GABPB1: variants seen among roughly 807,000 people sequenced by gnomAD.
GABPB1 encodes the protein GA binding protein transcription factor subunit beta 1, also known as GA-binding protein subunit beta-1.
In GABPB1, 15 loss-of-function variants were observed where a neutral mutation model predicts 45.9. That is an observed-to-expected ratio of 0.33 (90% CI 0.22 to 0.50). The LOEUF (loss-of-function observed/expected upper bound fraction) is 0.50, where lower values mean the gene tolerates loss of function less well. Ranked by LOEUF, GABPB1 falls within the 20% of genes least tolerant of loss-of-function variation. The pLI is 0.98. For missense variants in GABPB1, 252 were observed against 457.5 expected, an observed-to-expected ratio of 0.55 and a Z score of 4.10; for synonymous variants, 143 against 154.4, an observed-to-expected ratio of 0.93 and a Z score of 0.55.
intron 8 of GABPB1, 48 bp from the exon 9 acceptor site, chr15:50,278,832 T>C (rs1298155384): frequency 6.9e-7 from 1 of 1,441,464 alleles, no homozygotes. Flanking sequence ...AAAAATACAT[T>C]ATTAATACAT....
At chr15:50,343,697 C>A (rs914784530) in intron 1 of GABPB1, among the ~76,000 whole-genome samples, 1 of 152,100 alleles carries the variant, frequency 6.6e-6, no homozygotes. Context: ...CACCACCACG[C>A]CTAGCTAGTT....
chr15:50,322,340 G>A (rs962787024), intron 1 of GABPB1, among the ~76,000 whole-genome samples: 6 of 151,608 alleles, frequency 4.0e-5, no homozygotes, highest in Admixed American at 3.9e-4. Flanking sequence ...GATAACTTGA[G>A]GTCAGGAGTT....
intron 1 of GABPB1, chr15:50,352,597 A>T (rs1164630923): frequency 1.3e-5 from 2 of 152,308 alleles, no homozygotes; most frequent in East Asian, 3.9e-4. Flanking sequence ...CCACCTCCCC[A>T]AGTGCTGGGA....
chr15:50,343,937 CCTA>C (rs1408061144), intron 1 of GABPB1, among the ~76,000 whole-genome samples: 1 of 152,156 alleles, frequency 6.6e-6, no homozygotes, highest in Non-Finnish European at 1.5e-5. Flanking sequence ...TCTTTTATTA[CCTA>C]CTTTTATTCC....
intron 1 of GABPB1, 146 bp from the exon 2 acceptor site, chr15:50,309,944 A>T (rs1008031139): frequency 2.0e-6 from 1 of 501,222 alleles, no homozygotes; most frequent in South Asian, 3.6e-5. Context: ...ATTACAGATC[A>T]TACAAAAGCA....
chr15:50,279,583 C>T (rs1157575393), intron 8 of GABPB1, among the ~76,000 whole-genome samples: 1 of 152,320 alleles, frequency 6.6e-6, no homozygotes, highest in Non-Finnish European at 1.5e-5. Flanking sequence ...CCTCTTCCTC[C>T]TCACTCTGCC....
In GABPB1 at chr15:50,304,136, G is replaced by A. The variant is rs373784295; in HGVS notation, c.109-3C>T. ...AGATGAAGTGGAGAAGTTCCCAGCTGTACCACAGAAAAAAAAAAAAATCCA... is the reference window on the plus strand; with the variant it reads ...AGATGAAGTGGAGAAGTTCCCAGCTATACCACAGAAAAAAAAAAAAATCCA... On this transcript the variant is annotated splice_region_variant and splice_polypyrimidine_tract_variant and intron_variant, in intron 2 of 8. Coordinates refer to ENST00000380877, the MANE Select transcript of GABPB1 (RefSeq NM_016654.5). The A allele has an allele frequency of 3.9e-6, 6 of 1,551,034 alleles. No homozygotes were observed. Among genetic ancestry groups the A allele is most frequent in the Non-Finnish European group, 4.3e-6 (5 of 1,154,724 alleles).
At chr15:50,285,749 G>C (rs1014669955) in intron 8 of GABPB1, 1 of 1,007,072 alleles carries the variant, frequency 9.9e-7, no homozygotes, top group Non-Finnish European at 1.2e-6. Flanking sequence ...ATATATACTG[G>C]TATTTTCCTT....
intron 6 of GABPB1, among the ~76,000 whole-genome samples, chr15:50,292,480 A>G (rs980472235): frequency 1.3e-5 from 2 of 152,126 alleles, no homozygotes; most frequent in Non-Finnish European, 2.9e-5. Context: ...TATTAGTTGC[A>G]AAGGGGAAAA....
At chr15:50,304,180 TACACTTCTGTTTATATAGTAA>T (rs762782517) in intron 2 of GABPB1, 47 bp from the exon 3 acceptor site, 2 of 1,481,942 alleles carry the variant, frequency 1.3e-6, no homozygotes, top group Middle Eastern at 1.8e-4. Context: ...TTATTGTTAC[TACACTTCTGTTTATATAGTAA>T]ACAGATTTTC....
rs770078159 is a variant in GABPB1 at position 50,300,902 on chromosome 15, T to C, written c.584A>G (p.Asp195Gly). The C allele has an allele frequency of 1.9e-6, 3 of 1,564,648 alleles. No homozygotes were observed. The highest frequency in any genetic ancestry group is 1.1e-5 in the South Asian group (1 of 90,006). ...CTGAACAGCAGATACACCCGTTTCATCTGTAAGAAAAAAGAAAATAGATTT... is the reference window on the plus strand; with the variant it reads ...CTGAACAGCAGATACACCCGTTTCACCTGTAAGAAAAAAGAAAATAGATTT... Reference protein sequence around the residue: ...IGPGGVVNLTDETGVSAVQFG... With the variant: ...IGPGGVVNLTGETGVSAVQFG... Residue 195 changes from aspartate (D) to glycine (G), a missense_variant and splice_region_variant, in exon 6 of 9, where the codon GAT becomes GGT. Physicochemically the swap from Asp to Gly is moderately conservative, Grantham distance 94. Transcript: ENST00000380877.
chr15:50,322,000 C>T (rs1269242157), intron 1 of GABPB1, among the ~76,000 whole-genome samples: 2 of 148,480 alleles, frequency 1.3e-5, no homozygotes, highest in Non-Finnish European at 3.0e-5. Flanking sequence ...AAAAAAAAAT[C>T]TGAGGTCAAT....
At chr15:50,354,497 G>A in intron 1 of GABPB1, 1 of 449,078 alleles carries the variant, frequency 2.2e-6, no homozygotes, top group Non-Finnish European at 4.5e-6. Flanking sequence ...AGAGCCCGGC[G>A]GGGCCGTCAG....
intron 2 of GABPB1, among the ~76,000 whole-genome samples, chr15:50,309,126 C>T (rs1215096165): frequency 7.9e-5 from 12 of 152,060 alleles, no homozygotes; most frequent in Admixed American, 7.2e-4. Context: ...ATTCAGATTC[C>T]TAGCATTCCA....
At chr15:50,329,667 A>G (rs1254375022) in intron 1 of GABPB1, among the ~76,000 whole-genome samples, 1 of 152,188 alleles carries the variant, frequency 6.6e-6, no homozygotes, top group African/African-American at 2.4e-5. Flanking sequence ...AATTTTAAGG[A>G]TTTAAAAAAA....
In GABPB1 at chr15:50,275,926, C is replaced by T. The variant is rs2045833222; in HGVS notation, c.*2706G>A. 6.6e-6 allele frequency: 1 copy of T among 152,142 alleles called. No homozygotes were observed. Among genetic ancestry groups the T allele is most frequent in the Non-Finnish European group, 1.5e-5 (1 of 68,042 alleles). The allele number at this position is 152,142 out of a possible 1,614,324, so 9.4% of individuals were successfully genotyped here. On this transcript the variant is annotated 3_prime_UTR_variant, in exon 9 of 9. Coordinates refer to ENST00000380877, the MANE Select transcript of GABPB1 (RefSeq NM_016654.5). ...TAATTCTAGAGGTCCAGGGACTATA[C>T]AGAGGGAAGTGTTAAATCTGAATAA...
At chr15:50,289,382 T>G in intron 7 of GABPB1, 101 bp downstream of exon 7, 1 of 754,672 alleles carries the variant, frequency 1.3e-6, no homozygotes, top group East Asian at 2.9e-5. Flanking sequence ...TCCTGAGAAT[T>G]AAAAATAAAC....
chr15:50,288,430 T>C (rs1349987595), intron 7 of GABPB1, among the ~76,000 whole-genome samples: 2 of 152,204 alleles, frequency 1.3e-5, no homozygotes, highest in African/African-American at 4.8e-5. Flanking sequence ...AATGCTTACT[T>C]AGGCACTTTC....
chr15:50,335,236 G>C (rs558730940), intron 1 of GABPB1, among the ~76,000 whole-genome samples: 1 of 152,246 alleles, frequency 6.6e-6, no homozygotes, highest in Admixed American at 6.5e-5. Context: ...ATTTGATTGG[G>C]AGGTAGGTGA....
Sources: gnomAD v4.1 joint callset for allele counts (sites outside exome capture counted in the v4.1 genomes callset) on GRCh38, gnomAD v4.1.1 for gene constraint, MANE v1.5 for transcripts, NCBI Gene and HGNC (gene_info 2026-07-23, HGNC 2026-07-21) for gene names.